The following ARHGAP42 variants were observed in gnomAD, a reference collection of about 807,000 sequenced individuals.
ARHGAP42 encodes Rho GTPase activating protein 42, also known as rho GTPase-activating protein 42.
Under a neutral mutation model 125.0 loss-of-function variants are expected in ARHGAP42, and 63 were observed. That is an observed-to-expected ratio of 0.50 (90% CI 0.41 to 0.62). ARHGAP42 has a LOEUF of 0.62. ARHGAP42 is among the 20% of genes least tolerant of loss of function. The pLI, the probability that ARHGAP42 is intolerant of heterozygous loss-of-function variation, is 0.00. For synonymous variants in ARHGAP42, 339 were observed against 351.0 expected, an observed-to-expected ratio of 0.97 and a Z score of 0.38; for missense variants, 766 against 1,024.2, an observed-to-expected ratio of 0.75 and a Z score of 3.44.
intron 1 of ARHGAP42, among the ~76,000 whole-genome samples, chr11:100,728,008 A>G (rs1437136186): frequency 3.3e-5 from 5 of 152,174 alleles, no homozygotes; most frequent in Non-Finnish European, 4.4e-5. Context: ...TCGGAATTCA[A>G]TTGAATTGTA....
Position 100,894,317 on chromosome 11 carries a change from C to G in ARHGAP42, c.385-19135C>G, listed in dbSNP as rs1260119446. Among the ~76,000 whole-genome samples, 3 of 152,074 alleles carry G rather than the reference C, an allele frequency of 2.0e-5. No individual in the cohort carries two copies. In the East Asian group the frequency reaches 5.8e-4, roughly 29 times the overall value. Reference sequence around the variant, plus strand: ...GTGACCTGGGTAATTTCACAAGAGACAAGATAGTGACTTGACTTACAGACT... The same window carrying G: ...GTGACCTGGGTAATTTCACAAGAGAGAAGATAGTGACTTGACTTACAGACT... On this transcript the variant is annotated intron_variant, in intron 4 of 23. Transcript: ENST00000298815.
intron 4 of ARHGAP42, among the ~76,000 whole-genome samples, chr11:100,878,715 G>A (rs955564992): frequency 2.0e-5 from 3 of 152,090 alleles, no homozygotes; most frequent in Admixed American, 2.0e-4. Flanking sequence ...TCAGTGGCAA[G>A]AGCATCCTCT....
intron 4 of ARHGAP42, among the ~76,000 whole-genome samples, chr11:100,899,004 C>T (rs1400844346): frequency 6.6e-6 from 1 of 152,210 alleles, no homozygotes; most frequent in African/African-American, 2.4e-5. Context: ...CCTCTACACA[C>T]TGCTTTAAAT....
Position 100,808,698 on chromosome 11 carries a change from C to G in ARHGAP42, c.312+13532C>G, listed in dbSNP as rs186710719. Among the ~76,000 whole-genome samples the G allele has an allele frequency of 7.9e-3, 1,206 of 152,154 alleles. 8 individuals are homozygous for G. Among genetic ancestry groups the G allele is most frequent in the Middle Eastern group, 0.048 (14 of 294 alleles). ...GGGATTACAGGCGTGAGCCACCGCG[C>G]CCGGCCAAATTCACTCTTAACTATA... On this transcript the variant is annotated intron_variant, in intron 3 of 23. Coordinates refer to ENST00000298815, the MANE Select transcript of ARHGAP42 (RefSeq NM_152432.4).
At chr11:100,914,063 T>C (rs1867000811) in intron 5 of ARHGAP42, among the ~76,000 whole-genome samples, 1 of 152,094 alleles carries the variant, frequency 6.6e-6, no homozygotes, top group South Asian at 2.1e-4. Context: ...GCCTTCTGAG[T>C]AGCTGAGATT....
chr11:100,938,028 C>G (rs1867780974), intron 8 of ARHGAP42, among the ~76,000 whole-genome samples: 1 of 150,048 alleles, frequency 6.7e-6, no homozygotes, highest in African/African-American at 2.4e-5. Context: ...ATGATAAAGC[C>G]CTTTGTGGTA....
intron 17 of ARHGAP42, among the ~76,000 whole-genome samples, chr11:100,969,160 C>A (rs1174307578): frequency 2.6e-5 from 4 of 151,488 alleles, no homozygotes; most frequent in Non-Finnish European, 5.9e-5. Flanking sequence ...CTTTTTTTTT[C>A]TTTAAGCATT....
At chr11:100,752,955 A>G (rs1313649197) in intron 1 of ARHGAP42, among the ~76,000 whole-genome samples, 1 of 152,218 alleles carries the variant, frequency 6.6e-6, no homozygotes, top group Non-Finnish European at 1.5e-5. Context: ...AGCTGCCACA[A>G]TAGTGATGGG....
intron 2 of ARHGAP42, among the ~76,000 whole-genome samples, chr11:100,788,006 A>C (rs947153249): frequency 2.0e-5 from 3 of 152,212 alleles, no homozygotes; most frequent in Admixed American, 2.0e-4. Flanking sequence ...TATCTTCTCA[A>C]CTTGATAAAA....
intron 3 of ARHGAP42, among the ~76,000 whole-genome samples, chr11:100,807,280 C>T (rs1189579015): frequency 6.6e-6 from 1 of 151,938 alleles, no homozygotes. Context: ...ACTGCAACTT[C>T]CGCCCCCCAG....
intron 3 of ARHGAP42, among the ~76,000 whole-genome samples, chr11:100,815,536 G>C (rs1409846027): frequency 6.6e-6 from 1 of 152,168 alleles, no homozygotes; most frequent in African/African-American, 2.4e-5. Flanking sequence ...TTCCCAGATA[G>C]ATGTGCAGAT....
At chr11:100,880,167 T>C in intron 4 of ARHGAP42, among the ~76,000 whole-genome samples, 1 of 152,174 alleles carries the variant, frequency 6.6e-6, no homozygotes, top group Non-Finnish European at 1.5e-5. Context: ...GTAAGTTCTT[T>C]AGTGGTGATT....
intron 13 of ARHGAP42, 121 bp from the exon 14 acceptor site, chr11:100,960,794 T>TA (rs1320448980): frequency 6.4e-5 from 34 of 530,636 alleles, no homozygotes; most frequent in Non-Finnish European, 9.7e-5. Flanking sequence ...TTGCTAAAGT[T>TA]AGACTGTGAA....
intron 3 of ARHGAP42, among the ~76,000 whole-genome samples, chr11:100,850,801 T>C (rs1462522123): frequency 1.3e-5 from 2 of 151,776 alleles, no homozygotes; most frequent in African/African-American, 4.8e-5. Flanking sequence ...CCTAACAACA[T>C]TGGCACAAAC....
At chr11:100,764,993 TGAG>T (rs1443797003) in intron 1 of ARHGAP42, among the ~76,000 whole-genome samples, 1 of 152,056 alleles carries the variant, frequency 6.6e-6, no homozygotes, top group Non-Finnish European at 1.5e-5. Context: ...AATGAGGACT[TGAG>T]GAGGACTTGA....
At chr11:100,799,756 T>C (rs1275806182) in intron 3 of ARHGAP42, among the ~76,000 whole-genome samples, 3 of 152,170 alleles carry the variant, frequency 2.0e-5, no homozygotes, top group Admixed American at 2.0e-4. Context: ...AAATGTGTTG[T>C]AGTTTTTGGG....
At chr11:100,945,202 G>A (rs1006181155) in intron 10 of ARHGAP42, among the ~76,000 whole-genome samples, 1 of 152,042 alleles carries the variant, frequency 6.6e-6, no homozygotes, top group Non-Finnish European at 1.5e-5. Context: ...TTATGAGATT[G>A]CAGCAATAAA....
At position 100,688,049 on chromosome 11, in the gene ARHGAP42, G is replaced by C. The variant is rs973180907; in HGVS notation, c.154+217G>C. 1.7e-5 allele frequency: 7 copies of C among 410,378 alleles called. No individual in the cohort carries two copies. The East Asian group carries it at 2.4e-4, about 14-fold the overall frequency. The allele number at this position is 410,378 out of a possible 1,614,324, so 25.4% of individuals were successfully genotyped here. A position where few individuals can be genotyped will look rare whatever the true frequency, so the allele number is the denominator to read the frequency against. Reference sequence around the variant, plus strand: ...CAGGGATGGGGAAAGTTCTCTACAGGGCACTGGAATATATCCTGAGGAAAG... The same window carrying C: ...CAGGGATGGGGAAAGTTCTCTACAGCGCACTGGAATATATCCTGAGGAAAG... On this transcript the variant is annotated intron_variant, in intron 1 of 23. Coordinates refer to ENST00000298815, the MANE Select transcript of ARHGAP42 (RefSeq NM_152432.4).
At chr11:100,755,522 C>T (rs948598917) in intron 1 of ARHGAP42, among the ~76,000 whole-genome samples, 1 of 152,188 alleles carries the variant, frequency 6.6e-6, no homozygotes, top group Non-Finnish European at 1.5e-5. Context: ...CTGGAGAGTC[C>T]TTGCCAAAAT....
Sources: gnomAD v4.1 joint callset for allele counts (sites outside exome capture counted in the v4.1 genomes callset) on GRCh38, gnomAD v4.1.1 for gene constraint, MANE v1.5 for transcripts, NCBI Gene and HGNC (gene_info 2026-07-23, HGNC 2026-07-21) for gene names.